Variants in EHMT1 observed in about 807,000 individuals in gnomAD.
The protein encoded by EHMT1 is histone-lysine N-methyltransferase EHMT1.
EHMT1 carries 15 observed loss-of-function variants against 147.2 expected under a neutral mutation model. That is an observed-to-expected ratio of 0.10 (90% CI 0.07 to 0.16). The LOEUF (loss-of-function observed/expected upper bound fraction) is 0.16, where lower values mean the gene tolerates loss of function less well. Ranked by LOEUF, EHMT1 falls within the 10% of genes least tolerant of loss-of-function variation. The probability of loss-of-function intolerance (pLI) is 1.00; values close to 1 mark genes in which losing one functional copy is unlikely to be tolerated. For missense variants in EHMT1, 1,587 were observed against 1,772.4 expected, an observed-to-expected ratio of 0.90 and a Z score of 1.88; for synonymous variants, 795 against 709.6, an observed-to-expected ratio of 1.12 and a Z score of -1.91.
chr9:137,716,935 T>C lies in EHMT1; in HGVS notation c.395T>C (p.Leu132Pro). The change falls in exon 3 of 27, where the codon CTA (leucine) becomes CCA (proline). Residue 132 changes from leucine (L) to proline (P), a missense_variant. Physicochemically the swap from Leu to Pro is moderately conservative, Grantham distance 98. Coordinates refer to ENST00000460843, the MANE Select transcript of EHMT1 (RefSeq NM_024757.5). ...GGATACATCTTAAATAAGCCGGCCC[T>C]ACAGGCACAGCCCTTGAGGACTACC... Reference protein sequence around the residue: ...SNGYILNKPALQAQPLRTTST... With the variant: ...SNGYILNKPAPQAQPLRTTST... The C allele has an allele frequency of 6.2e-7, 1 of 1,612,922 alleles. No individual in the cohort carries two copies. The highest frequency in any genetic ancestry group is 8.5e-7 in the Non-Finnish European group (1 of 1,179,844).
rs999762163 is a variant in EHMT1 at position 137,828,584 on chromosome 9, G to A, written c.3541-5765G>A. ...ACAAAGTGTGCTCCTGCGGGGGTGCGGGGTGGGGGAGGTACCACGTCTCCC... is the reference window on the plus strand; with the variant it reads ...ACAAAGTGTGCTCCTGCGGGGGTGCAGGGTGGGGGAGGTACCACGTCTCCC... On this transcript the variant is annotated intron_variant, in intron 25 of 26. Coordinates refer to ENST00000460843, the MANE Select transcript of EHMT1 (RefSeq NM_024757.5). This position sits in a 1 kb window ranked among gnomAD's most constrained non-coding sequence, Gnocchi z 5.3. Among the ~76,000 whole-genome samples, 7 of 152,054 alleles carry A rather than the reference G, an allele frequency of 4.6e-5. No individual in the cohort carries two copies. The highest frequency in any genetic ancestry group is 2.0e-4 in the Admixed American group (3 of 15,278).
At chr9:137,817,264 C>A in intron 23 of EHMT1, 175 bp from the exon 24 acceptor site, 1 of 725,254 alleles carries the variant, frequency 1.4e-6, no homozygotes. Context: ...GGGTTCTTGG[C>A]TCCCTGAGAG....
At chr9:137,772,784 C>T (rs1458296675) in intron 10 of EHMT1, among the ~76,000 whole-genome samples, 1 of 152,242 alleles carries the variant, frequency 6.6e-6, no homozygotes, top group Non-Finnish European at 1.5e-5. Flanking sequence ...CAGGGTGCCC[C>T]TCCCACCCAT....
At chr9:137,805,765 C>G (rs1953895647) in intron 18 of EHMT1, among the ~76,000 whole-genome samples, 1 of 151,930 alleles carries the variant, frequency 6.6e-6, no homozygotes, top group African/African-American at 2.4e-5. Flanking sequence ...CGGGTTCGAG[C>G]TATTCTCATG....
chr9:137,797,346 T>G (rs1564780865), intron 16 of EHMT1, among the ~76,000 whole-genome samples: 1 of 152,168 alleles, frequency 6.6e-6, no homozygotes, highest in Non-Finnish European at 1.5e-5. Flanking sequence ...CCCACCACTC[T>G]GCCGCTCCCA....
chr9:137,831,328 T>C (rs564431192), intron 25 of EHMT1, among the ~76,000 whole-genome samples: 2 of 152,058 alleles, frequency 1.3e-5, no homozygotes, highest in Admixed American at 6.5e-5. Context: ...AGCCCTTACC[T>C]TTCTCCCGAC....
At chr9:137,744,668 C>G (rs577271783) in intron 6 of EHMT1, among the ~76,000 whole-genome samples, 1 of 152,238 alleles carries the variant, frequency 6.6e-6, no homozygotes, top group Non-Finnish European at 1.5e-5. Context: ...TTGCTGACAG[C>G]TTGAAGTGCT....
intron 18 of EHMT1, among the ~76,000 whole-genome samples, chr9:137,811,215 TTTATAA>T (rs1954456311): frequency 6.6e-6 from 1 of 152,176 alleles, no homozygotes; most frequent in Non-Finnish European, 1.5e-5. Flanking sequence ...TTATGCTACT[TTTATAA>T]TTATGTTATT....
At chr9:137,809,469 G>T (rs1452931152) in intron 18 of EHMT1, among the ~76,000 whole-genome samples, 1 of 152,222 alleles carries the variant, frequency 6.6e-6, no homozygotes, top group Non-Finnish European at 1.5e-5. Flanking sequence ...AGCCTGCGGG[G>T]TGGAGACCGC....
At chr9:137,680,289 C>T (rs1941814812) in intron 1 of EHMT1, among the ~76,000 whole-genome samples, 1 of 151,870 alleles carries the variant, frequency 6.6e-6, no homozygotes, top group Non-Finnish European at 1.5e-5. Context: ...GCCTGGCTAA[C>T]ATGGAGAAAC....
At chr9:137,818,457 T>C (rs1159281249) in intron 25 of EHMT1, among the ~76,000 whole-genome samples, 2 of 131,664 alleles carry the variant, frequency 1.5e-5, no homozygotes, top group Non-Finnish European at 3.4e-5. Flanking sequence ...TGGCAACCCC[T>C]GAGACTGCAC....
intron 1 of EHMT1, chr9:137,675,019 T>C (rs547474467): frequency 6.6e-6 from 1 of 152,338 alleles, no homozygotes; most frequent in Non-Finnish European, 1.5e-5. Context: ...TTCTTTTTTA[T>C]TTTTACAACT....
chr9:137,740,922 A>G (rs1248378595), intron 4 of EHMT1, among the ~76,000 whole-genome samples: 1 of 126,276 alleles, frequency 7.9e-6, no homozygotes, highest in East Asian at 2.3e-4. Context: ...CCTGCCTCAG[A>G]CTCCTCAGTA....
At chr9:137,766,951 G>A (rs973114104) in intron 10 of EHMT1, among the ~76,000 whole-genome samples, 6 of 152,046 alleles carry the variant, frequency 3.9e-5, no homozygotes, top group Non-Finnish European at 7.4e-5. Flanking sequence ...CCGAGTGGCT[G>A]GGACTACAGG....
At chr9:137,659,028 A>G (rs1938786395) in intron 1 of EHMT1, among the ~76,000 whole-genome samples, 1 of 152,130 alleles carries the variant, frequency 6.6e-6, no homozygotes, top group Non-Finnish European at 1.5e-5. Context: ...GTTTGAGTCA[A>G]TTGAATGTGT....
intron 17 of EHMT1, among the ~76,000 whole-genome samples, chr9:137,799,730 G>A (rs141436499): frequency 1.3e-5 from 2 of 152,242 alleles, no homozygotes; most frequent in East Asian, 1.9e-4. Context: ...AGTTGTTGAC[G>A]CCCAGCTTCT....
chr9:137,769,399 T>A (rs1034404804), intron 10 of EHMT1, among the ~76,000 whole-genome samples: 6 of 152,220 alleles, frequency 3.9e-5, no homozygotes, highest in African/African-American at 1.2e-4. Flanking sequence ...TTCCAATAAC[T>A]CTTTTTTTGG....
At chr9:137,684,906 GTTA>G (rs541491469) in intron 1 of EHMT1, among the ~76,000 whole-genome samples, 17 of 152,138 alleles carry the variant, frequency 1.1e-4, no homozygotes, top group African/African-American at 4.1e-4. Flanking sequence ...TACTCCACAA[GTTA>G]TTATTTTCTG....
chr9:137,714,128 T>C (rs2135442715), intron 2 of EHMT1, among the ~76,000 whole-genome samples: 1 of 152,316 alleles, frequency 6.6e-6, no homozygotes, highest in Admixed American at 6.5e-5. Flanking sequence ...ATTCTTTTTA[T>C]TTCTGTTTCT....
Sources: gnomAD v4.1 joint callset for allele counts (sites outside exome capture counted in the v4.1 genomes callset) on GRCh38, gnomAD v4.1.1 for gene constraint, Gnocchi (gnomAD v3.1) non-coding constraint, MANE v1.5 for transcripts, NCBI Gene and HGNC (gene_info 2026-07-23, HGNC 2026-07-21) for gene names.